The following BRD3 variants were observed in gnomAD, a reference collection of about 807,000 sequenced individuals.
The protein encoded by BRD3 is bromodomain containing 3, also known as bromodomain-containing protein 3.
Under a neutral mutation model 66.8 loss-of-function variants are expected in BRD3, and 17 were observed. That is an observed-to-expected ratio of 0.25 (90% CI 0.17 to 0.38). The LOEUF (loss-of-function observed/expected upper bound fraction) is 0.38. BRD3 is among the 10% of genes least tolerant of loss of function. The probability of loss-of-function intolerance (pLI) is 1.00; values close to 1 mark genes in which losing one functional copy is unlikely to be tolerated. For missense variants in BRD3, 713 were observed against 956.1 expected (o/e 0.75, Z 3.35); for synonymous variants, 421 against 393.2 (o/e 1.07, Z -0.84).
intron 1 of BRD3, among the ~76,000 whole-genome samples, chr9:134,066,155 G>A (rs768832025): frequency 1.3e-5 from 2 of 152,168 alleles, no homozygotes; most frequent in Non-Finnish European, 2.9e-5. Flanking sequence ...GCAGGGCTCA[G>A]GCTGGAGCTG....
chr9:134,068,127 C>G (rs1246205221), upstream of BRD3: 9 of 142,554 alleles, frequency 6.3e-5, no homozygotes, highest in African/African-American at 2.0e-4. Flanking sequence ...CAGGGGAGGC[C>G]GCGGGCGCGC....
In BRD3 at chr9:134,051,880, GTTTTTTT is replaced by G. The variant is rs777755860; in HGVS notation, c.352-178_352-172del. 3.9e-3 allele frequency among the ~76,000 whole-genome samples: 443 copies of G among 113,626 alleles called. 11 individuals carry two copies. The highest frequency in any genetic ancestry group is 8.5e-3 in the Middle Eastern group (2 of 234). The allele number at this position is 113,626 out of a possible 152,430, so 74.5% of individuals were successfully genotyped here. On this transcript the variant is annotated intron_variant, in intron 3 of 11. Transcript: ENST00000303407. Reference sequence around the variant, plus strand: ...GTGTGTGTGTGTGTGTGTGTGTGTTGTTTTTTTTGTTTTTTTTTTTTTTTTTTTGAGA... The same window carrying G: ...GTGTGTGTGTGTGTGTGTGTGTGTTGTGTTTTTTTTTTTTTTTTTTTGAGA...
Position 134,036,336 on chromosome 9 carries a change from G to C in BRD3, c.1644-12C>G, listed in dbSNP as rs1829911622. ...CTTTCTTCAGCTGTCTGGGGCAGGA[G>C]ACAGAGCAACGTGGTGTTGAGTCTC... On this transcript the variant is annotated splice_polypyrimidine_tract_variant and intron_variant, in intron 9 of 11. Coordinates refer to ENST00000303407, the MANE Select transcript of BRD3 (RefSeq NM_007371.4). 6.3e-7 allele frequency: 1 copy of C among 1,592,058 alleles called. No individual in the cohort carries two copies. The highest frequency in any genetic ancestry group is 1.1e-5 in the South Asian group (1 of 87,598).
intron 1 of BRD3, among the ~76,000 whole-genome samples, chr9:134,066,280 G>A (rs1183920215): frequency 6.6e-6 from 1 of 152,114 alleles, no homozygotes; most frequent in Non-Finnish European, 1.5e-5. Context: ...CTGTTACAGC[G>A]TGTGCCTTAT....
At chr9:134,051,110 T>G (rs10118005) in intron 4 of BRD3, among the ~76,000 whole-genome samples, 24 of 152,276 alleles carry the variant, frequency 1.6e-4, no homozygotes, top group Non-Finnish European at 2.6e-4. Context: ...CCATGCTCCC[T>G]GACAGCAAGA....
At chr9:134,054,600 G>C (rs1286133465) in intron 1 of BRD3, 1 of 152,344 alleles carries the variant, frequency 6.6e-6, no homozygotes, top group South Asian at 2.1e-4. Flanking sequence ...CTGACAGTTA[G>C]ACAGGTCACG....
intron 1 of BRD3, among the ~76,000 whole-genome samples, chr9:134,056,198 C>A (rs1269691943): frequency 6.6e-6 from 1 of 152,226 alleles, no homozygotes; most frequent in Admixed American, 6.5e-5. Context: ...GTGGTTAAAG[C>A]TCTGGGGCTG....
At position 134,045,305 on chromosome 9, in the gene BRD3, G is replaced by A. The variant is rs1486658363; in HGVS notation, c.1203C>T (p.Ala401=). The change falls in exon 7 of 12, where the codon GCC becomes GCT. Residue 401 remains alanine (A), a synonymous_variant. Transcript: ENST00000303407. The surrounding 1 kb of genome is among the most constrained non-coding windows in gnomAD (Gnocchi z 4.8). ...AGCCTCGGGTTACCTGGAGCTTCCG[G>A]GCCATGGCCACAACCTCGTGGTCTG... ...NPPDHEVVAM[A]RKLQDVFEMR... 2 of 1,613,428 alleles carry A rather than the reference G, an allele frequency of 1.2e-6. No homozygotes were observed. Among genetic ancestry groups the A allele is most frequent in the Admixed American group, 3.3e-5 (2 of 60,026 alleles).
chr9:134,040,468 G>A (rs187055936), intron 8 of BRD3, among the ~76,000 whole-genome samples, 199 bp from the exon 9 acceptor site: 27 of 152,282 alleles, frequency 1.8e-4, no homozygotes, highest in African/African-American at 4.3e-4. Context: ...TCTCCGCCTC[G>A]GCTTCTTCGC....
At chr9:134,064,178 A>G (rs1830599622) in intron 1 of BRD3, among the ~76,000 whole-genome samples, 1 of 152,130 alleles carries the variant, frequency 6.6e-6, no homozygotes, top group African/African-American at 2.4e-5. Flanking sequence ...AGTGGCCAGA[A>G]GACTTACAAT....
In BRD3 at chr9:134,031,907, C is replaced by A. The variant is rs570970355; in HGVS notation, c.*1683G>T. 31 of 220,732 alleles carry A rather than the reference C, an allele frequency of 1.4e-4. No individual in the cohort carries two copies. Among genetic ancestry groups the A allele is most frequent in the Non-Finnish European group, 2.5e-4 (27 of 109,994 alleles). The allele number at this position is 220,732 out of a possible 1,614,324, so 13.7% of individuals were successfully genotyped here. The stretch of plus-strand genomic sequence containing the variant: ...ATGCCTGGTTTCAGTCATTTCCGGA[C>A]TAACTGTGACAACGCGTGAGCAGGG... On this transcript the variant is annotated 3_prime_UTR_variant, in exon 12 of 12. Coordinates refer to ENST00000303407, the MANE Select transcript of BRD3 (RefSeq NM_007371.4).
intron 1 of BRD3, among the ~76,000 whole-genome samples, chr9:134,062,628 A>T (rs963522531): frequency 2.7e-5 from 4 of 150,662 alleles, no homozygotes; most frequent in African/African-American, 9.8e-5. Context: ...CTCTCTACCC[A>T]CTCCTCGAAT....
Position 134,030,755 on chromosome 9 carries a change from T to C in BRD3, c.*2835A>G. 1.3e-5 allele frequency: 3 copies of C among 231,904 alleles called. No individual in the cohort carries two copies. Among genetic ancestry groups the C allele is most frequent in the Non-Finnish European group, 2.6e-5 (3 of 117,206 alleles). 14.4% of individuals were successfully genotyped at this position (231,904 alleles called of 1,614,324 possible). On this transcript the variant is annotated 3_prime_UTR_variant, in exon 12 of 12. Transcript: ENST00000303407. ...ACACAAAAAAATGTGTCTTACAGTT[T>C]GTAAGCAAGATGACACTGCCCAACA... is the stretch of plus-strand genomic sequence containing the variant.
rs557349236 is a variant in BRD3, at chr9:134,031,368, G to T, written c.*2222C>A. ...CAGGCACCCCCGGCTTAGGGTGTACGTATCACCCAGCCCTGTGCTGGCAGC... is the reference window on the plus strand; with the variant it reads ...CAGGCACCCCCGGCTTAGGGTGTACTTATCACCCAGCCCTGTGCTGGCAGC... On this transcript the variant is annotated 3_prime_UTR_variant, in exon 12 of 12. Transcript: ENST00000303407. The T allele has an allele frequency of 1.4e-5, 3 of 207,852 alleles. No individual in the cohort carries two copies. The highest frequency in any genetic ancestry group is 4.6e-5 in the African/African-American group (2 of 43,820). 12.9% of individuals were successfully genotyped at this position (207,852 alleles called of 1,614,324 possible).
chr9:134,060,292 G>A (rs1055743680), intron 1 of BRD3, among the ~76,000 whole-genome samples: 1 of 152,222 alleles, frequency 6.6e-6, no homozygotes, highest in Admixed American at 6.5e-5. Flanking sequence ...AGTGGGTCTG[G>A]TGAAATCCTC....
chr9:134,036,194 G>A lies in BRD3; in HGVS notation c.1774C>T (p.Leu592=). ...LDINRLPGEK[L]GRVVHIIQSR... ...TGGATGATGTGCACTACCCGGCCCA[G>A]CTTCTCCCCGGGCAGCCGGTTGATG... The change falls in exon 10 of 12, where the codon CTG becomes TTG. Residue 592 remains leucine, a synonymous_variant. Transcript: ENST00000303407. 1 of 1,614,260 alleles carries A rather than the reference G, an allele frequency of 6.2e-7. No homozygotes were observed. The highest frequency in any genetic ancestry group is 8.5e-7 in the Non-Finnish European group (1 of 1,180,054).
chr9:134,062,398 G>A (rs1413741153), intron 1 of BRD3, among the ~76,000 whole-genome samples: 1 of 152,106 alleles, frequency 6.6e-6, no homozygotes, highest in Non-Finnish European at 1.5e-5. Context: ...TCCCGTGACT[G>A]TCCCCTGCAC....
In BRD3 at chr9:134,062,560, G is replaced by GC. The variant is rs1322464625; in HGVS notation, c.-114+5384dup. 7.2e-5 allele frequency among the ~76,000 whole-genome samples: 11 copies of GC among 151,984 alleles called. No homozygotes were observed. In the East Asian group the frequency reaches 2.1e-3, roughly 29 times the overall value. ...TGAAGGTTTCCCTTCCTGCCATGAC[G>GC]CCCCCACAGCCTTCTGGCCACAACC... is the stretch of plus-strand genomic sequence containing the variant. On this transcript the variant is annotated intron_variant, in intron 1 of 11. Coordinates refer to ENST00000303407, the MANE Select transcript of BRD3 (RefSeq NM_007371.4).
intron 11 of BRD3, among the ~76,000 whole-genome samples, chr9:134,034,323 C>T (rs1843564488): frequency 6.6e-6 from 1 of 152,252 alleles, no homozygotes; most frequent in South Asian, 2.1e-4. Context: ...CCCGCCTCTG[C>T]TACCTCGGCC....
Sources: allele counts gnomAD v4.1 joint callset (sites outside exome capture counted in the v4.1 genomes callset), GRCh38; gene constraint gnomAD v4.1.1; non-coding constraint Gnocchi (gnomAD v3.1); transcripts MANE v1.5; gene names NCBI Gene and HGNC (gene_info 2026-07-23, HGNC 2026-07-21).